Variants in SHQ1 observed in about 807,000 individuals in gnomAD.
The protein encoded by SHQ1 is protein SHQ1 homolog.
SHQ1 carries 49 observed loss-of-function variants against 53.8 expected under a neutral mutation model. The observed-to-expected ratio is 0.91, with a 90% CI of 0.72 to 1.16. The LOEUF is 1.16. SHQ1 is among the 50% of genes most tolerant of loss of function. The pLI is 0.00. For missense variants in SHQ1, 738 were observed against 683.1 expected, an observed-to-expected ratio of 1.08 and a Z score of -0.90; for synonymous variants, 243 against 251.0, an observed-to-expected ratio of 0.97 and a Z score of 0.30.
At chr3:72,733,060 A>G in the SHQ1 span, among the ~76,000 whole-genome samples, 1 of 151,518 alleles carries the variant, frequency 6.6e-6, no homozygotes, top group Non-Finnish European at 1.5e-5. Flanking sequence ...TGAAAGGAGG[A>G]GGAGGAGAGA....
intron 5 of SHQ1, among the ~76,000 whole-genome samples, chr3:72,830,419 T>C (rs1314096677): frequency 1.3e-5 from 2 of 152,214 alleles, no homozygotes; most frequent in East Asian, 3.9e-4. Flanking sequence ...ATTACATGTG[T>C]ATATCACAAT....
chr3:72,744,500 C>A (rs2322610), downstream of SHQ1, among the ~76,000 whole-genome samples: 53,650 of 152,074 alleles, frequency 0.35, 11,907 homozygotes, highest in African/African-American at 0.63. Flanking sequence ...AATGGCCTCC[C>A]CGGAGAGCTC....
At chr3:72,790,066 A>G (rs1706388767) in intron 10 of SHQ1, among the ~76,000 whole-genome samples, 1 of 152,218 alleles carries the variant, frequency 6.6e-6, no homozygotes, top group African/African-American at 2.4e-5. Flanking sequence ...TGAGCACCAC[A>G]CTCAAAACTT....
At chr3:72,733,705 C>A in the SHQ1 span, among the ~76,000 whole-genome samples, 1 of 151,606 alleles carries the variant, frequency 6.6e-6, no homozygotes, top group Non-Finnish European at 1.5e-5. Flanking sequence ...AGCTGGTAGG[C>A]GGTAAATCCC....
rs1156543413 is a variant in SHQ1 at position 72,848,382 on chromosome 3, G to A, written c.-42C>T. On this transcript the variant is annotated 5_prime_UTR_variant, in exon 1 of 11. Coordinates refer to ENST00000325599, the MANE Select transcript of SHQ1 (RefSeq NM_018130.3). ...AGGGCCGGCGCCGCTCGCTCTCACT[G>A]CCGCCGCGTTCCCGCCACGCAAACT... The A allele has an allele frequency of 1.9e-6, 3 of 1,607,166 alleles. No homozygotes were observed. The highest frequency in any genetic ancestry group is 2.7e-5 in the African/African-American group (2 of 74,696).
At chr3:72,796,586 C>T (rs1005358335) in intron 9 of SHQ1, among the ~76,000 whole-genome samples, 29 of 151,996 alleles carry the variant, frequency 1.9e-4, no homozygotes, top group African/African-American at 5.8e-4. Context: ...TTTGGAAAGC[C>T]GAGGTGGGCA....
intron 9 of SHQ1, chr3:72,795,119 G>C (rs1706565574): frequency 6.6e-6 from 1 of 152,210 alleles, no homozygotes; most frequent in South Asian, 2.1e-4. Context: ...TAGGTAGTAA[G>C]TCTGAAAACA....
intron 5 of SHQ1, among the ~76,000 whole-genome samples, chr3:72,829,149 G>T (rs1707756262): frequency 6.6e-6 from 1 of 152,144 alleles, no homozygotes; most frequent in Non-Finnish European, 1.5e-5. Context: ...TCTAACCTGG[G>T]TGAATAGAGT....
chr3:72,840,576 AAG>A (rs1211174719), intron 4 of SHQ1, among the ~76,000 whole-genome samples: 3 of 151,904 alleles, frequency 2.0e-5, no homozygotes, highest in Admixed American at 1.3e-4. Context: ...AAAAAAAAAA[AAG>A]AGAATAGAAA....
chr3:72,809,429 T>G (rs1707051289), intron 9 of SHQ1, among the ~76,000 whole-genome samples: 1 of 151,906 alleles, frequency 6.6e-6, no homozygotes, highest in African/African-American at 2.4e-5. Flanking sequence ...GGATATATAT[T>G]CCATCCAAGA....
intron 10 of SHQ1, among the ~76,000 whole-genome samples, chr3:72,769,676 T>G (rs1169711337): frequency 6.6e-6 from 1 of 152,208 alleles, no homozygotes; most frequent in Non-Finnish European, 1.5e-5. Context: ...CTATGTCTCT[T>G]GCAACGGGGC....
chr3:72,772,035 G>T (rs768249824), intron 10 of SHQ1, among the ~76,000 whole-genome samples: 1 of 152,162 alleles, frequency 6.6e-6, no homozygotes, highest in Non-Finnish European at 1.5e-5. Context: ...AAAGGCTTAC[G>T]AAAGAGAAGA....
At chr3:72,841,360 A>G (rs1708174978) in intron 3 of SHQ1, among the ~76,000 whole-genome samples, 161 bp from the exon 4 acceptor site, 1 of 152,224 alleles carries the variant, frequency 6.6e-6, no homozygotes, top group South Asian at 2.1e-4. Flanking sequence ...AGCAAAAAAA[A>G]AAAAAGAACC....
intron 1 of SHQ1, among the ~76,000 whole-genome samples, chr3:72,847,425 A>C (rs904328432): frequency 2.0e-5 from 3 of 149,446 alleles, no homozygotes; most frequent in African/African-American, 7.5e-5. Context: ...GAATGGGGTT[A>C]ATAGCAGTGC....
At chr3:72,770,976 TG>T (rs1376214130) in intron 10 of SHQ1, among the ~76,000 whole-genome samples, 1 of 152,216 alleles carries the variant, frequency 6.6e-6, no homozygotes, top group East Asian at 1.9e-4. Flanking sequence ...AACAATCTCC[TG>T]TAGTCTCTTT....
intron 4 of SHQ1, among the ~76,000 whole-genome samples, chr3:72,834,388 G>A (rs1425888982): frequency 3.3e-5 from 5 of 152,166 alleles, no homozygotes; most frequent in Admixed American, 3.3e-4. Flanking sequence ...AAATTAGCCA[G>A]GTGTGGTGGC....
chr3:72,804,531 C>T (rs1349841527), intron 9 of SHQ1, among the ~76,000 whole-genome samples: 1 of 151,978 alleles, frequency 6.6e-6, no homozygotes, highest in Non-Finnish European at 1.5e-5. Flanking sequence ...CCTATCATTC[C>T]TATTACACAA....
rs1191791121 is a variant in SHQ1 at position 72,749,490 on chromosome 3, C to T, written c.*794G>A. 1 of 216,826 alleles carries T rather than the reference C, an allele frequency of 4.6e-6. No homozygotes were observed. The allele number at this position is 216,826 out of a possible 1,614,324, so 13.4% of individuals were successfully genotyped here. On this transcript the variant is annotated 3_prime_UTR_variant, in exon 11 of 11. Coordinates refer to ENST00000325599, the MANE Select transcript of SHQ1 (RefSeq NM_018130.3). The stretch of plus-strand genomic sequence containing the variant: ...AATATGCCTGACCAAAAAAGGGATA[C>T]ATATTGTATGATTCAATTTACATAG...
rs73093252 is a variant in SHQ1, at chr3:72,799,163, A to T, written c.1061-6127T>A. Among the ~76,000 whole-genome samples, 500 of 152,168 alleles carry T rather than the reference A, an allele frequency of 3.3e-3. 2 individuals are homozygous for T. The highest frequency in any genetic ancestry group is 6.8e-3 in the Middle Eastern group (2 of 294). On this transcript the variant is annotated intron_variant, in intron 9 of 10. Transcript: ENST00000325599. ...TGGGACTCCATCTCTACAAAAAAAA[A>T]AATAATAATAATTTTAAAACAATAA... is the stretch of plus-strand genomic sequence containing the variant.
Sources: gnomAD v4.1 joint callset for allele counts (sites outside exome capture counted in the v4.1 genomes callset) on GRCh38, gnomAD v4.1.1 for gene constraint, MANE v1.5 for transcripts, NCBI Gene and HGNC (gene_info 2026-07-23, HGNC 2026-07-21) for gene names.